PKIG: variants seen among roughly 807,000 people sequenced by gnomAD.
PKIG encodes the protein cAMP-dependent protein kinase inhibitor gamma, also known as protein kinase (cAMP-dependent, catalytic) inhibitor gamma.
PKIG carries 1 observed loss-of-function variant against 6.8 expected under a neutral mutation model. That is an observed-to-expected ratio of 0.15 (90% CI 0.05 to 0.69). The LOEUF is 0.69. PKIG is among the 30% of genes least tolerant of loss of function. PKIG has a pLI of 0.82. For synonymous variants in PKIG, 39 were observed against 43.0 expected (o/e 0.91, Z 0.36); for missense variants, 77 against 104.0 (o/e 0.74, Z 1.13).
At chr20:44,574,860 G>A (rs886865505) in intron 1 of PKIG, among the ~76,000 whole-genome samples, 6 of 152,154 alleles carry the variant, frequency 3.9e-5, no homozygotes, top group South Asian at 2.1e-4. Context: ...GTGAGCTACC[G>A]TGCCCAGCCT....
At chr20:44,535,593 A>G (rs563185040) in intron 1 of PKIG, among the ~76,000 whole-genome samples, 2 of 152,186 alleles carry the variant, frequency 1.3e-5, no homozygotes, top group Non-Finnish European at 2.9e-5. Flanking sequence ...GTGAGCTGAG[A>G]TTGTACCATT....
chr20:44,550,588 ATGG>A (rs1363421511), intron 1 of PKIG, among the ~76,000 whole-genome samples: 11 of 152,172 alleles, frequency 7.2e-5, no homozygotes, highest in Non-Finnish European at 1.5e-4. Context: ...GAGTGTTGTC[ATGG>A]TGGAGAAGGA....
intron 1 of PKIG, among the ~76,000 whole-genome samples, chr20:44,573,081 A>G (rs916208328): frequency 6.6e-6 from 1 of 152,220 alleles, no homozygotes; most frequent in African/African-American, 2.4e-5. Context: ...TTTCTTTGGA[A>G]CTAAGTAGAG....
intron 1 of PKIG, among the ~76,000 whole-genome samples, chr20:44,543,280 G>A (rs979268565): frequency 2.6e-5 from 4 of 151,618 alleles, no homozygotes; most frequent in African/African-American, 9.7e-5. Flanking sequence ...GTTTATTACT[G>A]TAAAGCCTTT....
At chr20:44,607,720 T>C (rs1444572354) in intron 2 of PKIG, among the ~76,000 whole-genome samples, 1 of 150,184 alleles carries the variant, frequency 6.7e-6, no homozygotes, top group Non-Finnish European at 1.5e-5. Flanking sequence ...AGTCTCACTC[T>C]GTCACCCAGG....
At position 44,568,471 on chromosome 20, in the gene PKIG, A is replaced by AC. The variant is rs1351259650; in HGVS notation, c.-240-14113dup. On this transcript the variant is annotated intron_variant, in intron 1 of 4. Coordinates refer to the PKIG transcript ENST00000372887. ...GGGCTCACCTTAACATTAAAGTGAG[A>AC]CTTTTTTTTTTTTGAGACAAAGTCT... 2.0e-5 allele frequency among the ~76,000 whole-genome samples: 3 copies of AC among 149,360 alleles called. No individual in the cohort carries two copies. In the East Asian group the frequency reaches 5.8e-4, roughly 29 times the overall value.
chr20:44,550,053 G>GTA (rs1408791742), intron 1 of PKIG, among the ~76,000 whole-genome samples: 1 of 150,446 alleles, frequency 6.6e-6, no homozygotes, highest in Admixed American at 6.7e-5. Flanking sequence ...AGCACCTGAG[G>GTA]TATACCTTAG....
At chr20:44,585,326 T>G (rs1018498627) in intron 1 of PKIG, 1 of 152,348 alleles carries the variant, frequency 6.6e-6, no homozygotes, top group African/African-American at 2.4e-5. Context: ...GCAGTGAGTT[T>G]AGGGCATCTT....
chr20:44,547,241 C>T (rs189469715), intron 1 of PKIG, among the ~76,000 whole-genome samples: 8 of 152,206 alleles, frequency 5.3e-5, no homozygotes, highest in East Asian at 3.9e-4. Flanking sequence ...GCTTACATTC[C>T]GTGTTGGAGC....
Position 44,612,117 on chromosome 20 carries a change from C to A in PKIG, c.-23-2417C>A, listed in dbSNP as rs558184704. ...TCTTCTTGACATACCAATGTCAGTTCTTTGGATATATACCTAGTAGTGGGA... is the reference window on the plus strand; with the variant it reads ...TCTTCTTGACATACCAATGTCAGTTATTTGGATATATACCTAGTAGTGGGA... On this transcript the variant is annotated intron_variant, in intron 2 of 3. Coordinates refer to ENST00000372886, the MANE Select transcript of PKIG (RefSeq NM_001281445.2). Among the ~76,000 whole-genome samples the A allele has an allele frequency of 2.0e-5, 3 of 152,226 alleles. 1 individual carries two copies. Among genetic ancestry groups the A allele is most frequent in the African/African-American group, 7.2e-5 (3 of 41,540 alleles).
Position 44,607,314 on chromosome 20 carries a change from G to GGTGT in PKIG, c.-23-7205_-23-7202dup, listed in dbSNP as rs11472265. On this transcript the variant is annotated intron_variant, in intron 2 of 3. Transcript: ENST00000372886. ...CAGAGTGATCTACAGTTGTTTCCAA[G>GGTGT]GTGTGTGTGTGTGTGTGTTTGTGTG... 3.1e-3 allele frequency among the ~76,000 whole-genome samples: 458 copies of GGTGT among 147,654 alleles called. 5 individuals are homozygous for GGTGT. The highest frequency in any genetic ancestry group is 0.011 in the African/African-American group (421 of 40,010).
chr20:44,547,161 C>T (rs2123175461), intron 1 of PKIG, among the ~76,000 whole-genome samples: 1 of 152,320 alleles, frequency 6.6e-6, no homozygotes, highest in African/African-American at 2.4e-5. Flanking sequence ...TCTATTATTG[C>T]ATAGACATCT....
intron 2 of PKIG, among the ~76,000 whole-genome samples, chr20:44,590,415 G>A (rs1450449725): frequency 6.6e-6 from 1 of 152,214 alleles, no homozygotes; most frequent in Non-Finnish European, 1.5e-5. Context: ...GCCATTCAAA[G>A]AGCACAAGTG....
At chr20:44,611,685 TTTTG>T (rs1356187729) in intron 2 of PKIG, among the ~76,000 whole-genome samples, 4 of 151,446 alleles carry the variant, frequency 2.6e-5, no homozygotes, top group Admixed American at 2.0e-4. Flanking sequence ...CCTGGCTAAT[TTTTG>T]TTTGTTTTTT....
At chr20:44,585,789 A>G (rs2064985212) in intron 1 of PKIG, among the ~76,000 whole-genome samples, 1 of 152,214 alleles carries the variant, frequency 6.6e-6, no homozygotes, top group Non-Finnish European at 1.5e-5. Context: ...TGTGCCCTCT[A>G]GTCTCCTGCC....
chr20:44,550,761 C>A (rs3091751), intron 1 of PKIG, among the ~76,000 whole-genome samples: 36,523 of 151,996 alleles, frequency 0.24, 5,891 homozygotes, highest in African/African-American at 0.46. Context: ...AGGCAGAGAG[C>A]GGGACAGTAA....
intron 1 of PKIG, among the ~76,000 whole-genome samples, chr20:44,558,580 TTC>T (rs1460958066): frequency 2.1e-5 from 3 of 145,298 alleles, no homozygotes; most frequent in Non-Finnish European, 3.0e-5. Flanking sequence ...TCTTTTTTCT[TTC>T]TTTCTTTCTT....
intron 1 of PKIG, among the ~76,000 whole-genome samples, chr20:44,570,042 A>G (rs2064841785): frequency 6.6e-6 from 1 of 152,134 alleles, no homozygotes; most frequent in Non-Finnish European, 1.5e-5. Context: ...GTTGTGGGAG[A>G]ATCACTTGAG....
chr20:44,581,439 G>A (rs906957806), upstream of PKIG, among the ~76,000 whole-genome samples: 6 of 152,146 alleles, frequency 3.9e-5, no homozygotes, highest in African/African-American at 1.4e-4. Flanking sequence ...AAGTCAGACA[G>A]GACTCAGATC....
Sources: gnomAD v4.1 joint callset for allele counts (sites outside exome capture counted in the v4.1 genomes callset) on GRCh38, gnomAD v4.1.1 for gene constraint, MANE v1.5 for transcripts, NCBI Gene and HGNC (gene_info 2026-07-23, HGNC 2026-07-21) for gene names.